Variants in MGLL observed in about 807,000 individuals in gnomAD.
MGLL encodes the protein lysophospholipase homolog.
Under a neutral mutation model 29.1 loss-of-function variants are expected in MGLL, and 7 were observed. That is an observed-to-expected ratio of 0.24 (90% CI 0.14 to 0.45). MGLL has a LOEUF of 0.45. Ranked by LOEUF, MGLL falls within the 20% of genes least tolerant of loss-of-function variation. MGLL has a pLI of 0.99. For synonymous variants in MGLL, 148 were observed against 168.3 expected (o/e 0.88, Z 0.93); for missense variants, 356 against 413.6 (o/e 0.86, Z 1.21).
chr3:127,759,282 C>G lies in MGLL; in HGVS notation c.262+22507G>C, dbSNP rs1280908829. ...TAAACCAGCTCTCCTATTCTGTGAC[C>G]CCAGCAACTGAGACACAGAGTCAGG... is the stretch of plus-strand genomic sequence containing the variant. On this transcript the variant is annotated intron_variant, in intron 3 of 7. Coordinates refer to ENST00000265052, the MANE Select transcript of MGLL (RefSeq NM_007283.7). Among the ~76,000 whole-genome samples, 9 of 152,270 alleles carry G rather than the reference C, an allele frequency of 5.9e-5. No homozygotes were observed. The South Asian group carries it at 1.9e-3, about 32-fold the overall frequency.
intron 3 of MGLL, among the ~76,000 whole-genome samples, chr3:127,765,585 A>C (rs905983930): frequency 6.6e-6 from 1 of 152,150 alleles, no homozygotes; most frequent in Admixed American, 6.5e-5. Flanking sequence ...AATGTGCCCA[A>C]TTCCTGTGTG....
At chr3:127,735,697 G>A (rs1428070890) in intron 3 of MGLL, 1 of 1,597,036 alleles carries the variant, frequency 6.3e-7, no homozygotes, top group East Asian at 2.2e-5. Context: ...TGAAACAGCT[G>A]AACATACCTG....
At chr3:127,707,337 A>C (rs1387956065) in intron 6 of MGLL, among the ~76,000 whole-genome samples, 1 of 152,166 alleles carries the variant, frequency 6.6e-6, no homozygotes, top group African/African-American at 2.4e-5. Flanking sequence ...GATGCTGAAC[A>C]ACCTCTCCTC....
chr3:127,708,462 G>A (rs2075646485), intron 6 of MGLL, among the ~76,000 whole-genome samples: 1 of 152,226 alleles, frequency 6.6e-6, no homozygotes. Context: ...CCCACCAGGT[G>A]CTTCCATCCT....
intron 6 of MGLL, among the ~76,000 whole-genome samples, chr3:127,700,528 G>A (rs1283240667): frequency 2.0e-5 from 3 of 152,192 alleles, no homozygotes; most frequent in African/African-American, 7.2e-5. Flanking sequence ...TGCCCCACGT[G>A]AGGGTCAGGG....
At chr3:127,805,446 AG>A (rs1178289842) in intron 2 of MGLL, among the ~76,000 whole-genome samples, 3 of 152,132 alleles carry the variant, frequency 2.0e-5, no homozygotes, top group Admixed American at 1.3e-4. Context: ...ACACCTATGG[AG>A]GGTGAATGGG....
At chr3:127,813,521 G>A (rs1270074767) in intron 2 of MGLL, among the ~76,000 whole-genome samples, 1 of 152,216 alleles carries the variant, frequency 6.6e-6, no homozygotes, top group Admixed American at 6.5e-5. Context: ...ATTTGCTGGG[G>A]AGGGCTAACT....
At chr3:127,704,632 A>G (rs2075563295) in intron 6 of MGLL, among the ~76,000 whole-genome samples, 1 of 152,236 alleles carries the variant, frequency 6.6e-6, no homozygotes, top group South Asian at 2.1e-4. Context: ...CAAGAAACAC[A>G]TGAAAAAAAG....
chr3:127,765,281 GTC>G (rs1241045740), intron 3 of MGLL, among the ~76,000 whole-genome samples: 3 of 152,186 alleles, frequency 2.0e-5, no homozygotes, highest in Non-Finnish European at 2.9e-5. Context: ...CTAGAGTGAT[GTC>G]TGTTTTCTTC....
At chr3:127,775,579 G>A (rs2077020726) in intron 3 of MGLL, among the ~76,000 whole-genome samples, 1 of 151,904 alleles carries the variant, frequency 6.6e-6, no homozygotes, top group African/African-American at 2.4e-5. Flanking sequence ...ACATGCCCCA[G>A]CTGAGTTAAA....
intron 2 of MGLL, among the ~76,000 whole-genome samples, chr3:127,783,015 A>T (rs2077154472): frequency 6.6e-6 from 1 of 151,946 alleles, no homozygotes; most frequent in Admixed American, 6.6e-5. Flanking sequence ...TCACTATAAA[A>T]AGTACAAAAA....
chr3:127,805,000 T>C (rs1014974099), intron 2 of MGLL, among the ~76,000 whole-genome samples: 4 of 152,168 alleles, frequency 2.6e-5, no homozygotes, highest in Non-Finnish European at 5.9e-5. Flanking sequence ...AGTATGGAGC[T>C]CTTTTTAAAG....
At chr3:127,715,926 T>C in intron 5 of MGLL, 1 of 430,608 alleles carries the variant, frequency 2.3e-6, no homozygotes, top group South Asian at 1.7e-5. Flanking sequence ...AATCCTCGAA[T>C]AGTCCTACAG....
At chr3:127,712,625 C>T (rs2075739191) in intron 5 of MGLL, 1 of 152,322 alleles carries the variant, frequency 6.6e-6, no homozygotes, top group African/African-American at 2.4e-5. Flanking sequence ...GCCACTGTGC[C>T]AGGTGCTTTG....
At chr3:127,724,339 T>C (rs1188705346) in intron 3 of MGLL, among the ~76,000 whole-genome samples, 2 of 152,228 alleles carry the variant, frequency 1.3e-5, no homozygotes, top group African/African-American at 4.8e-5. Flanking sequence ...CTGGCTTATT[T>C]AATGTAGCAC....
chr3:127,786,051 G>A (rs1404024732), intron 2 of MGLL, among the ~76,000 whole-genome samples: 1 of 152,226 alleles, frequency 6.6e-6, no homozygotes, highest in Non-Finnish European at 1.5e-5. Flanking sequence ...CCCGAGTCCA[G>A]AGCGCCATGT....
chr3:127,717,568 G>A (rs140639178), intron 5 of MGLL, among the ~76,000 whole-genome samples: 14 of 152,318 alleles, frequency 9.2e-5, no homozygotes, highest in South Asian at 2.1e-4. Flanking sequence ...CCTTCTTGGC[G>A]GAGAGTGGGA....
At chr3:127,735,746 T>C in intron 3 of MGLL, 4 of 1,598,364 alleles carry the variant, frequency 2.5e-6, no homozygotes, top group Non-Finnish European at 2.5e-6. Context: ...GCTCCCCGCC[T>C]TCTCCCATTC....
At chr3:127,732,614 G>A (rs1209210294) in intron 3 of MGLL, among the ~76,000 whole-genome samples, 1 of 152,240 alleles carries the variant, frequency 6.6e-6, no homozygotes, top group Non-Finnish European at 1.5e-5. Context: ...CACCCCAGGT[G>A]AGTCCTGAGA....
Sources: allele counts gnomAD v4.1 joint callset (sites outside exome capture counted in the v4.1 genomes callset), GRCh38; gene constraint gnomAD v4.1.1; transcripts MANE v1.5; gene names NCBI Gene and HGNC (gene_info 2026-07-23, HGNC 2026-07-21).